CYFIP1: variants seen among roughly 807,000 people sequenced by gnomAD.
CYFIP1 encodes cytoplasmic FMR1-interacting protein 1.
Under a neutral mutation model 163.5 loss-of-function variants are expected in CYFIP1, and 58 were observed. That is an observed-to-expected ratio of 0.35 (90% confidence interval 0.29 to 0.44). CYFIP1 has a LOEUF of 0.44. Ranked by LOEUF, CYFIP1 falls within the 20% of genes least tolerant of loss-of-function variation. CYFIP1 has a pLI of 1.00. For synonymous variants in CYFIP1, 663 were observed against 660.7 expected (o/e 1.00, Z -0.05); for missense variants, 1,338 against 1,653.8 (o/e 0.81, Z 3.31).
chr15:22,886,203 T>C (rs2059922888), intron 23 of CYFIP1, among the ~76,000 whole-genome samples: 1 of 152,020 alleles, frequency 6.6e-6, no homozygotes, highest in South Asian at 2.1e-4. Context: ...TCCCACCAGG[T>C]CCCTCCCTTG....
At chr15:22,962,631 C>T (rs1339315559) in intron 1 of CYFIP1, among the ~76,000 whole-genome samples, 3 of 151,760 alleles carry the variant, frequency 2.0e-5, no homozygotes, top group Admixed American at 6.6e-5. Context: ...CTCGAACTCC[C>T]GACCTCAGGT....
chr15:22,887,372 G>A (rs1002278164), intron 23 of CYFIP1, among the ~76,000 whole-genome samples: 1 of 152,062 alleles, frequency 6.6e-6, no homozygotes, highest in Non-Finnish European at 1.5e-5. Flanking sequence ...ACACATCTTC[G>A]CCCACACCCC....
At chr15:22,888,756 T>C (rs1383383539) in intron 23 of CYFIP1, among the ~76,000 whole-genome samples, 1 of 151,124 alleles carries the variant, frequency 6.6e-6, no homozygotes, top group Non-Finnish European at 1.5e-5. Flanking sequence ...AATTACTGGT[T>C]TATGGCCAGG....
At chr15:22,919,042 G>A (rs961283257) in intron 13 of CYFIP1, among the ~76,000 whole-genome samples, 184 bp from the exon 14 acceptor site, 4 of 152,154 alleles carry the variant, frequency 2.6e-5, no homozygotes, top group Non-Finnish European at 2.9e-5. Context: ...AACTGTGCCC[G>A]CATCTGACTC....
intron 30 of CYFIP1, among the ~76,000 whole-genome samples, chr15:22,870,772 T>C (rs1284399933): frequency 6.6e-6 from 1 of 152,166 alleles, no homozygotes; most frequent in Non-Finnish European, 1.5e-5. Flanking sequence ...TGCTCAAAGC[T>C]GGGGATCTCC....
intron 8 of CYFIP1, 91 bp from the exon 9 acceptor site, chr15:22,937,299 T>C (rs951042805): frequency 1.3e-6 from 1 of 748,276 alleles, no homozygotes; most frequent in Admixed American, 2.2e-5. Context: ...CTGATGACTT[T>C]GAAGGCACAA....
In CYFIP1 at chr15:22,874,631, A is replaced by G. The variant is rs1270713279; in HGVS notation, c.3129T>C (p.Leu1043=). 6.2e-7 allele frequency: 1 copy of G among 1,601,906 alleles called. No homozygotes were observed. Among genetic ancestry groups the G allele is most frequent in the Non-Finnish European group, 8.5e-7 (1 of 1,175,672 alleles). Residue 1043 remains leucine, a synonymous_variant, in exon 28 of 31, where the codon CTT becomes CTC. Transcript: ENST00000617928. ...PRVHVKEGER[L]DAKMKRLESK... Reference sequence around the variant, plus strand: ...ATTCTAGTCTTTTCATTTTGGCATCAAGTCTCTCCCCCTCTGCAGTAGAAA... The same window carrying G: ...ATTCTAGTCTTTTCATTTTGGCATCGAGTCTCTCCCCCTCTGCAGTAGAAA...
chr15:22,943,047 G>T, intron 6 of CYFIP1, 126 bp downstream of exon 6: 1 of 832,208 alleles, frequency 1.2e-6, no homozygotes, highest in Admixed American at 2.4e-5. Flanking sequence ...CTGACACTGA[G>T]ACGTAGCTGC....
At chr15:22,870,739 T>C (rs562526806) in intron 30 of CYFIP1, among the ~76,000 whole-genome samples, 17 of 152,282 alleles carry the variant, frequency 1.1e-4, no homozygotes, top group South Asian at 8.3e-4. Context: ...TCCTTCCACA[T>C]TGGCAATTAA....
chr15:22,911,165 G>C (rs180817547), intron 18 of CYFIP1, among the ~76,000 whole-genome samples: 8 of 152,104 alleles, frequency 5.3e-5, no homozygotes, highest in Non-Finnish European at 8.8e-5. Context: ...GACAGAGCAA[G>C]ACTCCACCTC....
intron 17 of CYFIP1, among the ~76,000 whole-genome samples, chr15:22,912,814 G>A (rs1425503682): frequency 5.3e-5 from 8 of 152,046 alleles, no homozygotes; most frequent in African/African-American, 1.9e-4. Context: ...CCAGCTACTT[G>A]GGAGGCTGAG....
At chr15:22,878,279 G>A (rs1232927472) in intron 26 of CYFIP1, among the ~76,000 whole-genome samples, 2 of 152,102 alleles carry the variant, frequency 1.3e-5, no homozygotes, top group Non-Finnish European at 2.9e-5. Context: ...GGCAAGTGGG[G>A]ACTCGAGAGT....
chr15:22,942,750 C>T (rs1364691500), intron 6 of CYFIP1, among the ~76,000 whole-genome samples: 1 of 152,160 alleles, frequency 6.6e-6, no homozygotes, highest in African/African-American at 2.4e-5. Flanking sequence ...GTGCTGGGGA[C>T]CCCCGCTGGC....
intron 1 of CYFIP1, among the ~76,000 whole-genome samples, 183 bp from the exon 2 acceptor site, chr15:22,947,474 G>A (rs1198526346): frequency 1.3e-5 from 2 of 152,144 alleles, no homozygotes; most frequent in Non-Finnish European, 2.9e-5. Context: ...TGGGCCAGCA[G>A]GCTGGGAGGC....
intron 12 of CYFIP1, among the ~76,000 whole-genome samples, chr15:22,926,316 G>A (rs111703799): frequency 2.0e-5 from 3 of 152,032 alleles, no homozygotes; most frequent in Admixed American, 6.6e-5. Flanking sequence ...AAATCTACCC[G>A]GCAAAATGGC....
intron 26 of CYFIP1, 28 bp downstream of exon 26, chr15:22,879,885 G>C: frequency 6.3e-7 from 1 of 1,585,694 alleles, no homozygotes; most frequent in Non-Finnish European, 8.6e-7. Flanking sequence ...GCTGGGGCGG[G>C]GAGGGGCGGC....
Position 22,867,123 on chromosome 15 carries a change from A to C in CYFIP1, c.*2905T>G. 8.3e-6 allele frequency: 4 copies of C among 483,736 alleles called. No individual in the cohort carries two copies. The highest frequency in any genetic ancestry group is 1.4e-5 in the Non-Finnish European group (4 of 277,770). The allele number at this position is 483,736 out of a possible 1,614,324, so 30.0% of individuals were successfully genotyped here. On this transcript the variant is annotated 3_prime_UTR_variant, in exon 31 of 31. Transcript: ENST00000617928. Reference sequence around the variant, plus strand: ...CCTTCTCCAAAAGCCGAATGCACTAATGACAGTTTTAAGTCTATGAAAATG... The same window carrying C: ...CCTTCTCCAAAAGCCGAATGCACTACTGACAGTTTTAAGTCTATGAAAATG...
chr15:22,920,159 C>CTT (rs71117470), intron 13 of CYFIP1, among the ~76,000 whole-genome samples: 15,586 of 75,700 alleles, frequency 0.21, 2,645 homozygotes, highest in African/African-American at 0.23. Context: ...ATTAAGGCAG[C>CTT]TTTTTTTTTT....
At chr15:22,878,769 T>A (rs1217246884) in intron 26 of CYFIP1, among the ~76,000 whole-genome samples, 1 of 144,450 alleles carries the variant, frequency 6.9e-6, no homozygotes, top group Non-Finnish European at 1.5e-5. Context: ...AGTGAAAAGG[T>A]AAGCCACAAA....
Sources: allele counts gnomAD v4.1 joint callset (sites outside exome capture counted in the v4.1 genomes callset), GRCh38; gene constraint gnomAD v4.1.1; transcripts MANE v1.5; gene names NCBI Gene and HGNC (gene_info 2026-07-23, HGNC 2026-07-21).